The following PCNX2 variants were observed in gnomAD, a reference collection of about 807,000 sequenced individuals.
The protein encoded by PCNX2 is pecanex-like protein 2.
In PCNX2, 168 loss-of-function variants were observed where a neutral mutation model predicts 223.8. The ratio of observed to expected loss-of-function variants is 0.75; its 90% CI spans 0.66 to 0.85. The LOEUF is 0.85. Ranked by LOEUF, PCNX2 falls within the 40% of genes least tolerant of loss-of-function variation. PCNX2 has a pLI of 0.00. For missense variants in PCNX2, 2,507 were observed against 2,675.5 expected, an observed-to-expected ratio of 0.94 and a Z score of 1.39; for synonymous variants, 1,006 against 1,052.6, an observed-to-expected ratio of 0.96 and a Z score of 0.86.
chr1:233,197,648 A>G (rs1307040461), intron 15 of PCNX2, among the ~76,000 whole-genome samples: 1 of 152,178 alleles, frequency 6.6e-6, no homozygotes, highest in African/African-American at 2.4e-5. Flanking sequence ...GAAAGAAAAT[A>G]TCTATATGAT....
rs976539371 is a variant in PCNX2, at chr1:233,295,578, G to GCGCCCCCGCCGTCGCCGCCGCCGT, written c.-124_-101dup. On this transcript the variant is annotated 5_prime_UTR_variant, in exon 1 of 34. Coordinates refer to ENST00000258229, the MANE Select transcript of PCNX2 (RefSeq NM_014801.4). This position sits in a 1 kb window ranked among gnomAD's most constrained non-coding sequence, Gnocchi z 4.1. ...GGTCTAACACCCGGGCCCGCGGGCC[G>GCGCCCCCGCCGTCGCCGCCGCCGT]CGCCCCCGCCGTCGCCGCCGCCGTC... The GCGCCCCCGCCGTCGCCGCCGCCGT allele has an allele frequency of 1.6e-6, 2 of 1,230,508 alleles. No homozygotes were observed. Among genetic ancestry groups the GCGCCCCCGCCGTCGCCGCCGCCGT allele is most frequent in the Non-Finnish European group, 2.1e-6 (2 of 971,984 alleles). The allele number at this position is 1,230,508 out of a possible 1,614,324, so 76.2% of individuals were successfully genotyped here. A position where few individuals can be genotyped will look rare whatever the true frequency, so the allele number is the denominator to read the frequency against.
chr1:233,089,726 C>T (rs912610697), intron 23 of PCNX2: 12 of 307,390 alleles, frequency 3.9e-5, no homozygotes, highest in Non-Finnish European at 5.7e-5. Context: ...CATCCAGGGG[C>T]CATCTTGGCA....
the PCNX2 span, among the ~76,000 whole-genome samples, chr1:233,320,704 T>C: frequency 2.6e-5 from 4 of 152,204 alleles, no homozygotes; most frequent in East Asian, 7.7e-4. Flanking sequence ...TCTTTTTGCA[T>C]ACTTTGGAGA....
At chr1:233,223,442 A>G (rs982021882) in intron 10 of PCNX2, among the ~76,000 whole-genome samples, 1 of 152,148 alleles carries the variant, frequency 6.6e-6, no homozygotes, top group Admixed American at 6.5e-5. Flanking sequence ...AAGTGGGGTA[A>G]GACAGGATTT....
intron 3 of PCNX2, among the ~76,000 whole-genome samples, chr1:233,261,796 C>T (rs1274689266): frequency 6.6e-6 from 1 of 152,218 alleles, no homozygotes; most frequent in Non-Finnish European, 1.5e-5. Flanking sequence ...GTGTGGTTGA[C>T]CCAGCAGCGC....
Position 233,119,352 on chromosome 1 carries a change from G to A in PCNX2, c.3837+15661C>T, listed in dbSNP as rs576648613. Among the ~76,000 whole-genome samples, 95 of 126,594 alleles carry A rather than the reference G, an allele frequency of 7.5e-4. 1 individual carries two copies. Among genetic ancestry groups the A allele is most frequent in the African/African-American group, 2.6e-3 (86 of 33,620 alleles). The allele number at this position is 126,594 out of a possible 152,430, so 83.1% of individuals were successfully genotyped here. ...AGGTGGGCGGATCATGAGGTCAGGA[G>A]ATTAAGACCATCCTGGCTAACATGG... On this transcript the variant is annotated intron_variant, in intron 21 of 33. Coordinates refer to ENST00000258229, the MANE Select transcript of PCNX2 (RefSeq NM_014801.4).
intron 23 of PCNX2, among the ~76,000 whole-genome samples, chr1:233,073,935 C>G (rs771088165): frequency 1.3e-4 from 20 of 152,218 alleles, no homozygotes; most frequent in Non-Finnish European, 1.2e-4. Flanking sequence ...TTTTAAAGAT[C>G]TAGGCATTTA....
chr1:233,013,319 C>T (rs1670533193), intron 28 of PCNX2, among the ~76,000 whole-genome samples: 1 of 152,180 alleles, frequency 6.6e-6, no homozygotes, highest in Non-Finnish European at 1.5e-5. Flanking sequence ...CTTGGTGACT[C>T]CAGGCTACTG....
intron 23 of PCNX2, among the ~76,000 whole-genome samples, chr1:233,068,654 G>A (rs1330737693): frequency 6.6e-6 from 1 of 151,924 alleles, no homozygotes; most frequent in Non-Finnish European, 1.5e-5. Flanking sequence ...AGTAGATTTT[G>A]AACAATTATT....
chr1:233,224,458 T>C (rs566752729), intron 10 of PCNX2, among the ~76,000 whole-genome samples: 1 of 152,378 alleles, frequency 6.6e-6, no homozygotes, highest in Non-Finnish European at 1.5e-5. Flanking sequence ...TGACTTAATC[T>C]ATGGGAGTTT....
chr1:233,151,832 G>C (rs1677829338), intron 19 of PCNX2, among the ~76,000 whole-genome samples: 1 of 152,124 alleles, frequency 6.6e-6, no homozygotes, highest in Admixed American at 6.5e-5. Context: ...CTGCTACCAT[G>C]CCCGGCCAAT....
At chr1:233,232,350 T>A (rs1210474139) in intron 9 of PCNX2, among the ~76,000 whole-genome samples, 3 of 152,214 alleles carry the variant, frequency 2.0e-5, no homozygotes, top group Non-Finnish European at 2.9e-5. Context: ...TGTTGGCTAA[T>A]GTAAGTGTTC....
chr1:233,080,092 G>A (rs1418261394), intron 23 of PCNX2, among the ~76,000 whole-genome samples: 1 of 152,164 alleles, frequency 6.6e-6, no homozygotes, highest in Non-Finnish European at 1.5e-5. Flanking sequence ...CCTGCTGTCT[G>A]TTCCCAGGTT....
chr1:233,252,734 C>G lies in PCNX2; in HGVS notation c.1889G>C (p.Gly630Ala). ...TGGTTTTCCTTGCTTAGAACTGTGT[C>G]CACTGGGCTTTTCATTTTCCAGGAT... is the stretch of plus-strand genomic sequence containing the variant. ...EEILENEKPS[G>A]HSSKQGKPDL... Residue 630 changes from glycine (G) to alanine (A), a missense_variant, in exon 6 of 34, where the codon GGA becomes GCA. Gly to Ala is a moderately conservative substitution (Grantham distance 60). Coordinates refer to ENST00000258229, the MANE Select transcript of PCNX2 (RefSeq NM_014801.4). 2 of 1,613,502 alleles carry G rather than the reference C, an allele frequency of 1.2e-6. No individual in the cohort carries two copies. The highest frequency in any genetic ancestry group is 1.7e-6 in the Non-Finnish European group (2 of 1,179,798).
chr1:233,051,909 A>T (rs922230909), intron 25 of PCNX2, among the ~76,000 whole-genome samples: 2 of 152,230 alleles, frequency 1.3e-5, no homozygotes, highest in African/African-American at 4.8e-5. Context: ...AAAAGCTCTC[A>T]AAAGAGCTGA....
intron 23 of PCNX2, among the ~76,000 whole-genome samples, chr1:233,059,175 A>G (rs1672308030): frequency 6.6e-6 from 1 of 152,110 alleles, no homozygotes; most frequent in Non-Finnish European, 1.5e-5. Flanking sequence ...GTCTCAGCTC[A>G]AGTATCACCT....
At chr1:233,228,080 A>G (rs951807354) in intron 9 of PCNX2, among the ~76,000 whole-genome samples, 4 of 152,200 alleles carry the variant, frequency 2.6e-5, no homozygotes, top group African/African-American at 9.7e-5. Flanking sequence ...TTTTCCATGT[A>G]GTCCCCCTAG....
At chr1:233,065,064 G>A (rs1220679194) in intron 23 of PCNX2, among the ~76,000 whole-genome samples, 1 of 152,024 alleles carries the variant, frequency 6.6e-6, no homozygotes, top group African/African-American at 2.4e-5. Context: ...TCTCCACAAG[G>A]ATCTTATCAT....
At chr1:233,240,445 C>T (rs1055608211) in intron 8 of PCNX2, among the ~76,000 whole-genome samples, 1 of 151,984 alleles carries the variant, frequency 6.6e-6, no homozygotes, top group African/African-American at 2.4e-5. Context: ...AAAGTGAAAG[C>T]GTTAAGTTTC....
Sources: allele counts gnomAD v4.1 joint callset (sites outside exome capture counted in the v4.1 genomes callset), GRCh38; gene constraint gnomAD v4.1.1; non-coding constraint Gnocchi (gnomAD v3.1); transcripts MANE v1.5; gene names NCBI Gene and HGNC (gene_info 2026-07-23, HGNC 2026-07-21).